The following CDH18 variants were observed in gnomAD, a reference collection of about 807,000 sequenced individuals.
CDH18 encodes cadherin-18.
Under a neutral mutation model 67.9 loss-of-function variants are expected in CDH18, and 31 were observed. That is an observed-to-expected ratio of 0.46 (90% CI 0.34 to 0.62). CDH18 has a LOEUF of 0.62. Ranked by LOEUF, CDH18 falls within the 20% of genes least tolerant of loss-of-function variation. CDH18 has a pLI of 0.01. For synonymous variants in CDH18, 362 were observed against 347.2 expected, an observed-to-expected ratio of 1.04 and a Z score of -0.48; for missense variants, 890 against 975.5, an observed-to-expected ratio of 0.91 and a Z score of 1.17.
At chr5:20,157,491 T>C (rs574152611) in intron 2 of CDH18, among the ~76,000 whole-genome samples, 1 of 152,290 alleles carries the variant, frequency 6.6e-6, no homozygotes, top group East Asian at 1.9e-4. Flanking sequence ...ACATGAGAAA[T>C]GTTATTGTGC....
chr5:19,825,952 A>G (rs567031177), intron 3 of CDH18, among the ~76,000 whole-genome samples: 83 of 152,290 alleles, frequency 5.5e-4, no homozygotes, highest in African/African-American at 1.6e-3. Context: ...TGTTCAGGAG[A>G]AAGTTGAAAC....
chr5:19,976,102 ATTC>A (rs1360923818), intron 2 of CDH18, among the ~76,000 whole-genome samples: 1 of 152,090 alleles, frequency 6.6e-6, no homozygotes, highest in African/African-American at 2.4e-5. Context: ...TATTCTACTG[ATTC>A]TTATTGTTTC....
At chr5:19,701,769 T>C (rs1763277672) in intron 5 of CDH18, among the ~76,000 whole-genome samples, 1 of 152,074 alleles carries the variant, frequency 6.6e-6, no homozygotes, top group Non-Finnish European at 1.5e-5. Context: ...CTGGTGGCCA[T>C]CAAGCAGACC....
At chr5:20,167,531 A>G (rs1317577035) in intron 2 of CDH18, among the ~76,000 whole-genome samples, 2 of 152,162 alleles carry the variant, frequency 1.3e-5, no homozygotes. Flanking sequence ...AAAGAGAACT[A>G]TCTTGATAAT....
At chr5:20,150,563 G>A (rs1285614994) in intron 2 of CDH18, among the ~76,000 whole-genome samples, 4 of 152,132 alleles carry the variant, frequency 2.6e-5, no homozygotes, top group Non-Finnish European at 5.9e-5. Context: ...GTTTAGACAC[G>A]TCTAGCATAG....
intron 3 of CDH18, among the ~76,000 whole-genome samples, chr5:19,765,244 C>A (rs1321079378): frequency 1.3e-5 from 2 of 152,096 alleles, no homozygotes. Context: ...CCATTGTCCT[C>A]AAGAAGTTTT....
chr5:19,569,387 A>G (rs931926449), intron 8 of CDH18, among the ~76,000 whole-genome samples: 15 of 152,008 alleles, frequency 9.9e-5, no homozygotes, highest in African/African-American at 3.6e-4. Flanking sequence ...CTCCATGCAC[A>G]CCTCCCTCAG....
chr5:19,598,952 A>G (rs145179370), intron 6 of CDH18, among the ~76,000 whole-genome samples: 2 of 152,302 alleles, frequency 1.3e-5, no homozygotes, highest in East Asian at 3.9e-4. Context: ...ACTATGCACT[A>G]ATATGTGACT....
chr5:20,281,025 C>A (rs532983649), intron 1 of CDH18, among the ~76,000 whole-genome samples: 3 of 151,176 alleles, frequency 2.0e-5, no homozygotes, highest in South Asian at 2.1e-4. Flanking sequence ...GTGTCTGTTC[C>A]TATCCTTTTC....
At chr5:20,061,215 G>A (rs1005644963) in intron 2 of CDH18, among the ~76,000 whole-genome samples, 5 of 151,528 alleles carry the variant, frequency 3.3e-5, no homozygotes, top group African/African-American at 4.8e-5. Context: ...GTCCTATAAC[G>A]AATCCTTAAA....
intron 1 of CDH18, among the ~76,000 whole-genome samples, chr5:20,414,431 A>G (rs1002815089): frequency 1.7e-4 from 26 of 152,198 alleles, no homozygotes; most frequent in African/African-American, 6.0e-4. Flanking sequence ...ATACAGGAAC[A>G]TAAACAGGGA....
chr5:19,761,042 C>T (rs1478980218), intron 3 of CDH18, among the ~76,000 whole-genome samples: 2 of 152,166 alleles, frequency 1.3e-5, no homozygotes, highest in Non-Finnish European at 2.9e-5. Flanking sequence ...CACATGTCCC[C>T]ATTCCAAGTT....
intron 2 of CDH18, among the ~76,000 whole-genome samples, chr5:20,244,727 A>AT (rs1308587111): frequency 3.5e-4 from 53 of 152,186 alleles, no homozygotes; most frequent in African/African-American, 1.2e-3. Flanking sequence ...ATTGTATGTG[A>AT]TTTGACAAAA....
At chr5:19,707,891 G>T (rs1017401904) in intron 5 of CDH18, among the ~76,000 whole-genome samples, 6 of 152,238 alleles carry the variant, frequency 3.9e-5, no homozygotes, top group African/African-American at 9.6e-5. Flanking sequence ...CCCCTAAGGG[G>T]ATGTTTAGCT....
intron 1 of CDH18, among the ~76,000 whole-genome samples, chr5:20,406,442 G>T (rs1367721263): frequency 6.6e-6 from 1 of 150,954 alleles, no homozygotes; most frequent in Non-Finnish European, 1.5e-5. Flanking sequence ...GTGGGGGAGG[G>T]GGGAGGGATA....
At chr5:20,297,202 T>A (rs1270798603) in intron 1 of CDH18, among the ~76,000 whole-genome samples, 2 of 152,308 alleles carry the variant, frequency 1.3e-5, no homozygotes, top group East Asian at 1.9e-4. Flanking sequence ...ATCCTATAGG[T>A]TTTTCCCCTT....
intron 1 of CDH18, among the ~76,000 whole-genome samples, chr5:20,424,318 C>T (rs1748106782): frequency 6.6e-6 from 1 of 150,764 alleles, no homozygotes; most frequent in Non-Finnish European, 1.5e-5. Flanking sequence ...AACACACAGG[C>T]CGTATGTTTT....
At chr5:20,437,623 G>A (rs923668538) in intron 1 of CDH18, among the ~76,000 whole-genome samples, 2 of 151,270 alleles carry the variant, frequency 1.3e-5, no homozygotes, top group Admixed American at 1.3e-4. Flanking sequence ...TGAATCCAAT[G>A]TTCTCCAAGT....
chr5:19,499,284 A>C (rs1452087684), intron 11 of CDH18, among the ~76,000 whole-genome samples: 1 of 152,016 alleles, frequency 6.6e-6, no homozygotes, highest in Non-Finnish European at 1.5e-5. Flanking sequence ...ATCTGATCCC[A>C]CTTCTTTTCT....
Sources: gnomAD v4.1 joint callset for allele counts (sites outside exome capture counted in the v4.1 genomes callset) on GRCh38, gnomAD v4.1.1 for gene constraint, MANE v1.5 for transcripts, NCBI Gene and HGNC (gene_info 2026-07-23, HGNC 2026-07-21) for gene names.